Variants in CPA4 observed in about 807,000 individuals in gnomAD.
CPA4 encodes the protein carboxypeptidase A3.
In CPA4, 49 loss-of-function variants were observed where a neutral mutation model predicts 54.7. That is an observed-to-expected ratio of 0.90 (90% CI 0.71 to 1.14). The LOEUF is 1.14. CPA4 is among the 50% of genes most tolerant of loss of function. The probability of loss-of-function intolerance (pLI) is 0.00; values close to 1 mark genes in which losing one functional copy is unlikely to be tolerated. For missense variants in CPA4, 487 were observed against 525.1 expected (o/e 0.93, Z 0.71); for synonymous variants, 215 against 206.8 (o/e 1.04, Z -0.34).
chr7:130,311,827 C>T (rs115817507), intron 9 of CPA4, among the ~76,000 whole-genome samples: 58 of 152,246 alleles, frequency 3.8e-4, no homozygotes, highest in African/African-American at 1.3e-3. Context: ...GAGTCAAGAA[C>T]TGGGGGTGTG....
chr7:130,304,348 G>A lies in CPA4; in HGVS notation c.385-130G>A, dbSNP rs58377343. ...GTCTCATAATCAGCGTTTCCATGCCGATAATATGGTCAATTCCAAGATTAG... is the reference window on the plus strand; with the variant it reads ...GTCTCATAATCAGCGTTTCCATGCCAATAATATGGTCAATTCCAAGATTAG... On this transcript the variant is annotated intron_variant, in intron 4 of 10. Coordinates refer to ENST00000222482, the MANE Select transcript of CPA4 (RefSeq NM_016352.4). 5.3e-3 allele frequency: 3,855 copies of A among 734,164 alleles called. 67 individuals carry two copies. Among genetic ancestry groups the A allele is most frequent in the African/African-American group, 0.038 (2,228 of 58,414 alleles). The allele number at this position is 734,164 out of a possible 1,614,324, so 45.5% of individuals were successfully genotyped here. A position where few individuals can be genotyped will look rare whatever the true frequency, so the allele number is the denominator to read the frequency against.
At chr7:130,305,302 C>A (rs995974845) in intron 5 of CPA4, among the ~76,000 whole-genome samples, 1 of 152,162 alleles carries the variant, frequency 6.6e-6, no homozygotes, top group Non-Finnish European at 1.5e-5. Context: ...CTGTTGGAGA[C>A]CCTGGCTTCA....
At chr7:130,320,677 A>G (rs1794078764) in intron 10 of CPA4, among the ~76,000 whole-genome samples, 1 of 152,224 alleles carries the variant, frequency 6.6e-6, no homozygotes, top group Non-Finnish European at 1.5e-5. Flanking sequence ...CTTTATTATC[A>G]GATGGACCTG....
intron 8 of CPA4, among the ~76,000 whole-genome samples, chr7:130,309,951 A>C (rs1584751212): frequency 6.6e-6 from 1 of 151,916 alleles, no homozygotes; most frequent in East Asian, 1.9e-4. Context: ...TTTTTTTGTG[A>C]AGATGGGGTT....
intron 1 of CPA4, among the ~76,000 whole-genome samples, chr7:130,298,506 A>C (rs890203710): frequency 6.6e-6 from 1 of 152,206 alleles, no homozygotes; most frequent in Admixed American, 6.5e-5. Context: ...TAATCATGGC[A>C]TACATACAAT....
At chr7:130,319,217 C>T (rs1054695292) in intron 10 of CPA4, among the ~76,000 whole-genome samples, 8 of 152,192 alleles carry the variant, frequency 5.3e-5, no homozygotes, top group Admixed American at 2.6e-4. Context: ...GATTCTGCTC[C>T]AGGAAGGGCT....
At chr7:130,318,787 AAGC>A (rs1457454894) in intron 10 of CPA4, among the ~76,000 whole-genome samples, 1 of 152,140 alleles carries the variant, frequency 6.6e-6, no homozygotes. Context: ...TTCAAAAAAA[AAGC>A]AATCAATTTT....
intron 10 of CPA4, among the ~76,000 whole-genome samples, chr7:130,315,888 A>T (rs1353786942): frequency 6.6e-6 from 1 of 152,194 alleles, no homozygotes; most frequent in Non-Finnish European, 1.5e-5. Flanking sequence ...GGTTATGTGT[A>T]TATGAGAACT....
At chr7:130,307,754 C>G (rs140038327) in intron 7 of CPA4, among the ~76,000 whole-genome samples, 1 of 152,142 alleles carries the variant, frequency 6.6e-6, no homozygotes, top group African/African-American at 2.4e-5. Flanking sequence ...AGCTCCCACA[C>G]ACACCTTTTA....
intron 10 of CPA4, among the ~76,000 whole-genome samples, chr7:130,316,615 T>G (rs1055306659): frequency 6.6e-6 from 1 of 152,126 alleles, no homozygotes; most frequent in Non-Finnish European, 1.5e-5. Context: ...TGTAATTAGA[T>G]CAGAGCATGA....
intron 10 of CPA4, among the ~76,000 whole-genome samples, chr7:130,319,801 C>T (rs895932154): frequency 1.3e-5 from 2 of 152,186 alleles, no homozygotes; most frequent in African/African-American, 4.8e-5. Flanking sequence ...GGTGATGATT[C>T]CCAGTCTCAT....
At chr7:130,301,941 A>G in intron 4 of CPA4, among the ~76,000 whole-genome samples, 1 of 152,196 alleles carries the variant, frequency 6.6e-6, no homozygotes, top group East Asian at 1.9e-4. Context: ...CCTCATGAAC[A>G]TGGGGCCCTC....
chr7:130,307,964 C>T (rs577936236), intron 7 of CPA4, among the ~76,000 whole-genome samples: 7 of 152,296 alleles, frequency 4.6e-5, no homozygotes, highest in South Asian at 2.1e-4. Context: ...AGGGGCTGTG[C>T]GCTTCCAGCT....
Position 130,293,162 on chromosome 7 carries a change from T to G in CPA4, c.-19T>G, listed in dbSNP as rs748197718. 1 of 1,557,382 alleles carries G rather than the reference T, an allele frequency of 6.4e-7. No individual in the cohort carries two copies. The highest frequency in any genetic ancestry group is 8.9e-7 in the Non-Finnish European group (1 of 1,128,338). On this transcript the variant is annotated 5_prime_UTR_variant, in exon 1 of 11. An upstream start codon of the reference 5' UTR is lost. Transcript: ENST00000222482. ...AATACAGCTTGACTCAGCCACTGTA[T>G]GACTGACTCCCCGGGGACATGAGGT... is the stretch of plus-strand genomic sequence containing the variant.
At chr7:130,294,040 A>G (rs1019728286) in intron 1 of CPA4, among the ~76,000 whole-genome samples, 1 of 152,226 alleles carries the variant, frequency 6.6e-6, no homozygotes, top group Non-Finnish European at 1.5e-5. Flanking sequence ...TCATTACTGC[A>G]TAATACTTTA....
At chr7:130,302,510 C>T (rs903602100) in intron 4 of CPA4, among the ~76,000 whole-genome samples, 2 of 149,430 alleles carry the variant, frequency 1.3e-5, no homozygotes, top group African/African-American at 4.9e-5. Flanking sequence ...AAAAAAAGAG[C>T]GCTCATATTG....
At chr7:130,305,780 AGGC>A in intron 5 of CPA4, 33 bp from the exon 6 acceptor site, 1 of 1,455,708 alleles carries the variant, frequency 6.9e-7, no homozygotes, top group Non-Finnish European at 9.7e-7. Flanking sequence ...AGATGCGGGC[AGGC>A]GGTCATTTTC....
intron 6 of CPA4, 120 bp from the exon 7 acceptor site, chr7:130,306,667 G>A: frequency 1.6e-6 from 1 of 637,238 alleles, no homozygotes; most frequent in Admixed American, 2.7e-5. Flanking sequence ...TTTGAGGGTG[G>A]ATGCTGTTCT....
At chr7:130,318,228 G>A (rs1007293435) in intron 10 of CPA4, among the ~76,000 whole-genome samples, 2 of 151,982 alleles carry the variant, frequency 1.3e-5, no homozygotes, top group Non-Finnish European at 2.9e-5. Context: ...GGGTCACCAG[G>A]GTCCTGGCCT....
Sources: gnomAD v4.1 joint callset for allele counts (sites outside exome capture counted in the v4.1 genomes callset) on GRCh38, gnomAD v4.1.1 for gene constraint, MANE v1.5 for transcripts, NCBI Gene and HGNC (gene_info 2026-07-23, HGNC 2026-07-21) for gene names.